Variants in ARMH3 observed in about 807,000 individuals in gnomAD.
ARMH3 encodes the protein armadillo-like helical domain-containing protein 3.
ARMH3 carries 60 observed loss-of-function variants against 99.1 expected under a neutral mutation model. The ratio of observed to expected loss-of-function variants is 0.61; its 90% CI spans 0.49 to 0.75. The LOEUF (loss-of-function observed/expected upper bound fraction) is 0.75. ARMH3 is among the 30% of genes least tolerant of loss of function. The pLI, the probability that ARMH3 is intolerant of heterozygous loss-of-function variation, is 0.00. For missense variants in ARMH3, 679 were observed against 843.1 expected (o/e 0.81, Z 2.41); for synonymous variants, 285 against 292.8 (o/e 0.97, Z 0.27).
intron 18 of ARMH3, among the ~76,000 whole-genome samples, 174 bp from the exon 19 acceptor site, chr10:101,990,785 AC>A (rs1846755110): frequency 6.6e-6 from 1 of 152,194 alleles, no homozygotes; most frequent in South Asian, 2.1e-4. Context: ...AACACTGTTC[AC>A]CACCTGCCAC....
At chr10:101,936,974 A>G (rs909667826) in intron 23 of ARMH3, among the ~76,000 whole-genome samples, 1 of 152,228 alleles carries the variant, frequency 6.6e-6, no homozygotes, top group African/African-American at 2.4e-5. Flanking sequence ...AATAGTTGCT[A>G]TCACCAGCAC....
In ARMH3 at chr10:102,040,021, T is replaced by G. The variant is rs768608985; in HGVS notation, c.94A>C (p.Ile32Leu). Reference protein sequence around the residue: ...KEKVVLMYDEIFMTEDPSKCS... With the variant: ...KEKVVLMYDELFMTEDPSKCS... ...AAGGCCGCAGGCCTTACCATGAAGATCTCATCATACATCAGCACCACTTTT... is the reference window on the plus strand; with the variant it reads ...AAGGCCGCAGGCCTTACCATGAAGAGCTCATCATACATCAGCACCACTTTT... The change falls in exon 2 of 26, where the codon ATC becomes CTC. Residue 32 changes from isoleucine (I) to leucine (L), a missense_variant. Physicochemically the swap from Ile to Leu is conservative, Grantham distance 5. Transcript: ENST00000370033. 1 of 1,613,782 alleles carries G rather than the reference T, an allele frequency of 6.2e-7. No individual in the cohort carries two copies. Among genetic ancestry groups the G allele is most frequent in the South Asian group, 1.1e-5 (1 of 91,074 alleles).
At chr10:102,007,523 T>C (rs904168804) in intron 13 of ARMH3, among the ~76,000 whole-genome samples, 5 of 151,348 alleles carry the variant, frequency 3.3e-5, no homozygotes, top group Non-Finnish European at 4.4e-5. Context: ...CCAGGTACTA[T>C]AAAAAGAGCT....
At chr10:101,879,227 G>A (rs1405462591) in intron 24 of ARMH3, among the ~76,000 whole-genome samples, 1 of 152,122 alleles carries the variant, frequency 6.6e-6, no homozygotes, top group East Asian at 1.9e-4. Flanking sequence ...TTTGTAGTCA[G>A]ACAGACCTAG....
chr10:102,023,285 C>T (rs1219740612), intron 8 of ARMH3, among the ~76,000 whole-genome samples, 192 bp downstream of exon 8: 1 of 152,048 alleles, frequency 6.6e-6, no homozygotes, highest in Non-Finnish European at 1.5e-5. Flanking sequence ...AGTTGCATCA[C>T]AGGATTCCTT....
chr10:101,945,799 G>A (rs1355736787), intron 22 of ARMH3, among the ~76,000 whole-genome samples: 1 of 151,238 alleles, frequency 6.6e-6, no homozygotes, highest in African/African-American at 2.4e-5. Context: ...TGTCCAGGAG[G>A]AGGCCAGGCT....
Position 101,990,519 on chromosome 10 carries a change from T to C in ARMH3, c.1406+32A>G, listed in dbSNP as rs748992109. On this transcript the variant is annotated intron_variant, in intron 19 of 25. Coordinates refer to ENST00000370033, the MANE Select transcript of ARMH3 (RefSeq NM_024541.3). Reference sequence around the variant, plus strand: ...CATTCAGTTCTTTAAAATAGATTTGTACACATTAAATGTGTACATATTTGT... The same window carrying C: ...CATTCAGTTCTTTAAAATAGATTTGCACACATTAAATGTGTACATATTTGT... The C allele has an allele frequency of 3.7e-5, 54 of 1,466,140 alleles. No homozygotes were observed. The Admixed American group carries it at 8.8e-4, about 24-fold the overall frequency. 90.8% of individuals were successfully genotyped at this position (1,466,140 alleles called of 1,614,324 possible).
intron 1 of ARMH3, among the ~76,000 whole-genome samples, chr10:102,047,887 T>C (rs1020742385): frequency 1.3e-5 from 2 of 152,174 alleles, no homozygotes; most frequent in Non-Finnish European, 2.9e-5. Flanking sequence ...ACATTTTTGA[T>C]TGTCACAACT....
In ARMH3 at chr10:101,974,568, A is replaced by T. The variant is rs535212986; in HGVS notation, c.1495+644T>A. Among the ~76,000 whole-genome samples the T allele has an allele frequency of 5.3e-5, 8 of 152,250 alleles. No individual in the cohort carries two copies. The East Asian group carries it at 1.5e-3, about 29-fold the overall frequency. ...GGGGTGGCAAGCCAGCATTAATTGT[A>T]CCCTTAGAGAAGAGGCACTTCCCCC... is the stretch of plus-strand genomic sequence containing the variant. On this transcript the variant is annotated intron_variant, in intron 20 of 25. Coordinates refer to ENST00000370033, the MANE Select transcript of ARMH3 (RefSeq NM_024541.3).
intron 23 of ARMH3, among the ~76,000 whole-genome samples, chr10:101,906,015 C>T (rs546677536): frequency 2.0e-5 from 3 of 152,102 alleles, no homozygotes; most frequent in Non-Finnish European, 2.9e-5. Context: ...TTAAATGTTA[C>T]GTACATGTTA....
rs188217005 is a variant in ARMH3, at chr10:102,036,017, C to T, written c.103-2678G>A. 7.3e-3 allele frequency among the ~76,000 whole-genome samples: 1,105 copies of T among 151,704 alleles called. 11 individuals are homozygous for T. The highest frequency in any genetic ancestry group is 0.025 in the African/African-American group (1,046 of 41,368). ...TGTGGGGAGCACCTCTGCCCGGCCG[C>T]GACCCCGACTGGGAGGTGGGGAGCG... On this transcript the variant is annotated intron_variant, in intron 2 of 25. Coordinates refer to ENST00000370033, the MANE Select transcript of ARMH3 (RefSeq NM_024541.3).
At chr10:101,984,156 A>G (rs1846355121) in intron 19 of ARMH3, among the ~76,000 whole-genome samples, 1 of 152,204 alleles carries the variant, frequency 6.6e-6, no homozygotes, top group South Asian at 2.1e-4. Context: ...GTTGAGTGAG[A>G]AAACAGAAAA....
At chr10:101,962,639 C>T (rs1590092040) in intron 20 of ARMH3, among the ~76,000 whole-genome samples, 1 of 152,096 alleles carries the variant, frequency 6.6e-6, no homozygotes, top group East Asian at 1.9e-4. Context: ...ATTATTGTTC[C>T]CATTTTACAG....
At chr10:101,950,919 T>C (rs1844754110) in intron 22 of ARMH3, among the ~76,000 whole-genome samples, 1 of 152,180 alleles carries the variant, frequency 6.6e-6, no homozygotes. Context: ...CTCACCAAAT[T>C]GTATGCTTTA....
intron 24 of ARMH3, among the ~76,000 whole-genome samples, chr10:101,851,671 G>A (rs1186796550): frequency 1.3e-5 from 2 of 152,210 alleles, no homozygotes; most frequent in African/African-American, 4.8e-5. Context: ...TTCCTGAGGA[G>A]AGAGAAGGGC....
At chr10:101,978,735 T>C (rs1590122168) in intron 19 of ARMH3, among the ~76,000 whole-genome samples, 2 of 151,562 alleles carry the variant, frequency 1.3e-5, no homozygotes, top group South Asian at 2.1e-4. Context: ...AGGTCAGGAG[T>C]TCAAGACCAG....
chr10:102,025,156 G>C lies in ARMH3; in HGVS notation c.507C>G (p.Thr169=). The C allele has an allele frequency of 6.2e-7, 1 of 1,610,534 alleles. No individual in the cohort carries two copies. The highest frequency in any genetic ancestry group is 8.5e-7 in the Non-Finnish European group (1 of 1,177,080). ...LCLKLLLCLV[T]VTDNISQNTI... ...CCCTTGACAAACATAGGTCACTTACGGTCACTAAGCAAAGGAGAAGTTTCA... is the reference window on the plus strand; with the variant it reads ...CCCTTGACAAACATAGGTCACTTACCGTCACTAAGCAAAGGAGAAGTTTCA... The change falls in exon 6 of 26, where the codon ACC becomes ACG. Residue 169 remains threonine, a splice_region_variant and synonymous_variant. Coordinates refer to ENST00000370033, the MANE Select transcript of ARMH3 (RefSeq NM_024541.3).
chr10:101,956,536 T>C (rs895325771), intron 22 of ARMH3, 61 bp downstream of exon 22: 1 of 1,581,124 alleles, frequency 6.3e-7, no homozygotes, highest in Non-Finnish European at 8.6e-7. Context: ...AGTCTTTTCC[T>C]CTTATATGCC....
intron 5 of ARMH3, among the ~76,000 whole-genome samples, chr10:102,028,521 T>C (rs776886144): frequency 1.3e-5 from 2 of 152,060 alleles, no homozygotes; most frequent in Non-Finnish European, 2.9e-5. Context: ...CTAAACAAAA[T>C]ATAGTGAGTA....
Sources: allele counts gnomAD v4.1 joint callset (sites outside exome capture counted in the v4.1 genomes callset), GRCh38; gene constraint gnomAD v4.1.1; transcripts MANE v1.5; gene names NCBI Gene and HGNC (gene_info 2026-07-23, HGNC 2026-07-21).